The following PRIMA1 variants were observed in gnomAD, a reference collection of about 807,000 sequenced individuals.
PRIMA1 encodes the protein proline-rich membrane anchor 1.
In PRIMA1, 7 loss-of-function variants were observed where a neutral mutation model predicts 17.5. That is an observed-to-expected ratio of 0.40 (90% confidence interval 0.23 to 0.75). The LOEUF (loss-of-function observed/expected upper bound fraction) is 0.75. Among genes scored for constraint, PRIMA1 ranks in the 30% least tolerant of loss-of-function variants. The pLI, the probability that PRIMA1 is intolerant of heterozygous loss-of-function variation, is 0.37. For missense variants in PRIMA1, 200 were observed against 201.8 expected (o/e 0.99, Z 0.05); for synonymous variants, 97 against 77.9 (o/e 1.25, Z -1.29).
At chr14:93,727,151 ACTGT>A (rs1021728265) in intron 4 of PRIMA1, among the ~76,000 whole-genome samples, 34 of 152,164 alleles carry the variant, frequency 2.2e-4, no homozygotes, top group African/African-American at 8.2e-4. Context: ...AGTGGGACCC[ACTGT>A]CTGGACCATC....
intron 3 of PRIMA1, among the ~76,000 whole-genome samples, chr14:93,747,474 G>A (rs950396195): frequency 3.3e-5 from 5 of 152,182 alleles, no homozygotes; most frequent in African/African-American, 9.7e-5. Flanking sequence ...GCAAAAGGGA[G>A]CGGCATCGTG....
In PRIMA1 at chr14:93,779,323, G is replaced by T. The variant is rs201072216; in HGVS notation, c.94-12C>A. On this transcript the variant is annotated splice_polypyrimidine_tract_variant and intron_variant, in intron 2 of 4. Transcript: ENST00000393140. ...TCACCATGCGTCACCTGTACACATGGGCACACGTACCCAAGAGAGAGAGAA... is the reference window on the plus strand; with the variant it reads ...TCACCATGCGTCACCTGTACACATGTGCACACGTACCCAAGAGAGAGAGAA... The T allele has an allele frequency of 7.8e-6, 12 of 1,544,624 alleles. No homozygotes were observed. In the African/African-American group the frequency reaches 1.7e-4, roughly 22 times the overall value.
In PRIMA1 at chr14:93,779,286, G is replaced by A; in HGVS notation, c.119C>T (p.Ser40Phe). The A allele has an allele frequency of 6.4e-7, 1 of 1,552,352 alleles. No individual in the cohort carries two copies. Among genetic ancestry groups the A allele is most frequent in the African/African-American group, 1.4e-5 (1 of 70,672 alleles). ...VQVTHGEPQK[S>F]CSKVTDSCRH... ...GCAGCTGTCAGTCACTTTGGAGCAGGACTTCTGGGGCTCACCATGCGTCAC... is the reference window on the plus strand; with the variant it reads ...GCAGCTGTCAGTCACTTTGGAGCAGAACTTCTGGGGCTCACCATGCGTCAC... The change falls in exon 3 of 5, where the codon TCC becomes TTC. Residue 40 changes from serine (S) to phenylalanine (F), a missense_variant. Transcript: ENST00000393140.
At chr14:93,787,110 AT>A (rs1444356156) in intron 2 of PRIMA1, among the ~76,000 whole-genome samples, 2 of 152,064 alleles carry the variant, frequency 1.3e-5, no homozygotes. Flanking sequence ...CTGCCCTGGG[AT>A]TTAAGGGACC....
chr14:93,721,125 G>A lies in PRIMA1; in HGVS notation c.*319C>T, dbSNP rs370158053. On this transcript the variant is annotated 3_prime_UTR_variant, in exon 5 of 5. Transcript: ENST00000393140. ...TAGAAAGACAGATCCCTCTGGCTTC[G>A]CCAGTGCGCATGCTTTAGACAGCAG... The A allele has an allele frequency of 1.0e-5, 3 of 291,504 alleles. No individual in the cohort carries two copies. Among genetic ancestry groups the A allele is most frequent in the South Asian group, 1.4e-4 (2 of 13,990 alleles). 18.1% of individuals were successfully genotyped at this position (291,504 alleles called of 1,614,324 possible). A position where few individuals can be genotyped will look rare whatever the true frequency, so the allele number is the denominator to read the frequency against.
intron 3 of PRIMA1, among the ~76,000 whole-genome samples, chr14:93,764,185 C>G (rs1292731025): frequency 6.6e-6 from 1 of 151,954 alleles, no homozygotes; most frequent in Non-Finnish European, 1.5e-5. Context: ...GGGCTTGGCC[C>G]GCCCTCACCC....
chr14:93,757,796 C>G (rs1165807322), intron 3 of PRIMA1, among the ~76,000 whole-genome samples: 1 of 152,174 alleles, frequency 6.6e-6, no homozygotes, highest in African/African-American at 2.4e-5. Context: ...GGAAGATAAA[C>G]CTGGTAGCTC....
chr14:93,730,745 G>A (rs578251941), intron 4 of PRIMA1, among the ~76,000 whole-genome samples: 1 of 152,310 alleles, frequency 6.6e-6, no homozygotes, highest in East Asian at 1.9e-4. Context: ...CAGAAAGAGT[G>A]TAAATCCTAA....
rs750823653 is a variant in PRIMA1 at position 93,721,465 on chromosome 14, GT to G, written c.440del (p.Asp147AlafsTer2). 1 of 1,613,118 alleles carries G rather than the reference GT, an allele frequency of 6.2e-7. No individual in the cohort carries two copies. The highest frequency in any genetic ancestry group is 1.1e-5 in the South Asian group (1 of 91,054). The part of the protein sequence containing the change: ...MSASQSNKGV[D>X]VNNAVV Reference sequence around the variant, plus strand: ...AGACTCACACCACTGCGTTGTTCACGTCTACTCCTTTGTTGCTCTGCGAAGC... The same window carrying G: ...AGACTCACACCACTGCGTTGTTCACGCTACTCCTTTGTTGCTCTGCGAAGC... On this transcript the variant is annotated frameshift_variant, in exon 5 of 5. Transcript: ENST00000393140. LOFTEE classifies it high-confidence loss of function.
intron 2 of PRIMA1, among the ~76,000 whole-genome samples, chr14:93,783,744 C>T (rs1885445623): frequency 6.6e-6 from 1 of 152,216 alleles, no homozygotes; most frequent in African/African-American, 2.4e-5. Flanking sequence ...CCTGTAAATG[C>T]TGTAGTCCTG....
At chr14:93,727,044 C>T (rs574969425) in intron 4 of PRIMA1, among the ~76,000 whole-genome samples, 157 of 152,306 alleles carry the variant, frequency 1.0e-3, no homozygotes, top group African/African-American at 3.7e-3. Context: ...TTCTGAGCCT[C>T]GAGGGCGTCA....
At chr14:93,725,187 G>A (rs2076066461) in intron 4 of PRIMA1, among the ~76,000 whole-genome samples, 1 of 149,616 alleles carries the variant, frequency 6.7e-6, no homozygotes, top group African/African-American at 2.6e-5. Flanking sequence ...GCTTGGCAGA[G>A]GCTCGGCACC....
At chr14:93,736,549 C>T (rs888223910) in intron 4 of PRIMA1, among the ~76,000 whole-genome samples, 6 of 152,248 alleles carry the variant, frequency 3.9e-5, no homozygotes, top group Admixed American at 6.5e-5. Context: ...ATGGCCTGTC[C>T]TGCATGGAGC....
intron 3 of PRIMA1, among the ~76,000 whole-genome samples, chr14:93,747,539 TGTGTGAGTGTGTGAGA>T (rs1183707875): frequency 2.7e-4 from 41 of 150,670 alleles, no homozygotes; most frequent in African/African-American, 1.0e-3. Context: ...GGAGGTGGAG[TGTGTGAGTGTGTGAGA>T]GTGTGAGTGT....
chr14:93,772,988 C>G (rs1014430679), intron 3 of PRIMA1, among the ~76,000 whole-genome samples: 1 of 152,148 alleles, frequency 6.6e-6, no homozygotes, highest in African/African-American at 2.4e-5. Flanking sequence ...TGTAGGGCAT[C>G]GAATCCTTCC....
At position 93,718,861 on chromosome 14, in the gene PRIMA1, C is replaced by A. The variant is rs1252922584; in HGVS notation, c.*2583G>T. 3 of 152,374 alleles carry A rather than the reference C, an allele frequency of 2.0e-5. No homozygotes were observed. Among genetic ancestry groups the A allele is most frequent in the African/African-American group, 4.8e-5 (2 of 41,390 alleles). The allele number at this position is 152,374 out of a possible 1,614,324, so 9.4% of individuals were successfully genotyped here. A position where few individuals can be genotyped will look rare whatever the true frequency, so the allele number is the denominator to read the frequency against. On this transcript the variant is annotated 3_prime_UTR_variant, in exon 5 of 5. Transcript: ENST00000393140. ...AGAAAATGAGAAGGGAAGTGCATTT[C>A]ATTCTTGACCTCAGGGCTCGGACTA... is the stretch of plus-strand genomic sequence containing the variant.
At chr14:93,758,790 G>A (rs552106393) in intron 3 of PRIMA1, among the ~76,000 whole-genome samples, 1 of 152,220 alleles carries the variant, frequency 6.6e-6, no homozygotes, top group Non-Finnish European at 1.5e-5. Context: ...CATGAGCAAA[G>A]CATTGTGCAA....
chr14:93,746,115 C>T (rs888873610), intron 3 of PRIMA1, among the ~76,000 whole-genome samples: 3 of 152,066 alleles, frequency 2.0e-5, no homozygotes, highest in Non-Finnish European at 2.9e-5. Flanking sequence ...GGGTCGCAGC[C>T]GGGCCTGGTT....
intron 3 of PRIMA1, among the ~76,000 whole-genome samples, chr14:93,759,635 C>T (rs945044244): frequency 2.0e-5 from 3 of 152,076 alleles, no homozygotes; most frequent in Non-Finnish European, 4.4e-5. Flanking sequence ...GGAGAAAGAA[C>T]ACCTATGATG....
Sources: gnomAD v4.1 joint callset for allele counts (sites outside exome capture counted in the v4.1 genomes callset) on GRCh38, gnomAD v4.1.1 for gene constraint, MANE v1.5 for transcripts, NCBI Gene and HGNC (gene_info 2026-07-23, HGNC 2026-07-21) for gene names.